The following PAPPA variants were observed in gnomAD, a reference collection of about 807,000 sequenced individuals.
The protein encoded by PAPPA is pappalysin-1.
In PAPPA, 60 loss-of-function variants were observed where a neutral mutation model predicts 164.0. That is an observed-to-expected ratio of 0.37 (90% CI 0.30 to 0.45). The LOEUF is 0.45. Ranked by LOEUF, PAPPA falls within the 20% of genes least tolerant of loss-of-function variation. PAPPA has a pLI of 1.00. For synonymous variants in PAPPA, 875 were observed against 814.1 expected, an observed-to-expected ratio of 1.07 and a Z score of -1.27; for missense variants, 1,782 against 2,087.3, an observed-to-expected ratio of 0.85 and a Z score of 2.85.
At chr9:116,378,941 C>G (rs1420832345) in intron 20 of PAPPA, among the ~76,000 whole-genome samples, 1 of 152,174 alleles carries the variant, frequency 6.6e-6, no homozygotes, top group Non-Finnish European at 1.5e-5. Context: ...TTAGGAACCC[C>G]ATTCTCTCAG....
chr9:116,242,799 A>T (rs1275785653), intron 7 of PAPPA, among the ~76,000 whole-genome samples: 1 of 152,172 alleles, frequency 6.6e-6, no homozygotes, highest in Non-Finnish European at 1.5e-5. Flanking sequence ...GTGTGCCAAG[A>T]CCTGCTATTT....
rs1243565091 is a variant in PAPPA at position 116,269,770 on chromosome 9, T to G, written c.2862-1555T>G. On this transcript the variant is annotated intron_variant, in intron 8 of 21. Coordinates refer to ENST00000328252, the MANE Select transcript of PAPPA (RefSeq NM_002581.5). ...GGGAACCAGCCCAGGTATTTTTTTG[T>G]TTTTAAAGTCTTTTCCAAAACAACC... Among the ~76,000 whole-genome samples, 9 of 152,302 alleles carry G rather than the reference T, an allele frequency of 5.9e-5. No individual in the cohort carries two copies. In the East Asian group the frequency reaches 1.7e-3, roughly 29 times the overall value.
chr9:116,260,594 T>A (rs568041440), intron 7 of PAPPA, among the ~76,000 whole-genome samples: 1 of 152,254 alleles, frequency 6.6e-6, no homozygotes, highest in East Asian at 1.9e-4. Flanking sequence ...CCTACACACG[T>A]TCTCAGTGCA....
chr9:116,187,482 C>G lies in PAPPA; in HGVS notation c.744C>G (p.Asn248Lys). The change falls in exon 2 of 22, where the codon AAC (asparagine) becomes AAG (lysine). Residue 248 changes from asparagine (N) to lysine (K), a missense_variant. By Grantham distance (94) the Asn-to-Lys change is moderately conservative (BLOSUM62 0). This residue lies in a region of PAPPA where 458 missense variants were observed against 430.3 expected (regional missense o/e 1.06). Transcript: ENST00000328252. This position sits in a 1 kb window ranked among gnomAD's most constrained non-coding sequence, Gnocchi z 4.2. ...TAGGGGGCAGTGCCCTGAATCACAA[C>G]TACCGGGGCTACATCGAGCACTTCA... The part of the protein sequence containing the change: ...LMLGGSALNH[N>K]YRGYIEHFSL... 1 of 1,614,196 alleles carries G rather than the reference C, an allele frequency of 6.2e-7. No homozygotes were observed.
At chr9:116,285,499 TCA>T (rs1260802495) in intron 9 of PAPPA, among the ~76,000 whole-genome samples, 1 of 152,202 alleles carries the variant, frequency 6.6e-6, no homozygotes, top group African/African-American at 2.4e-5. Flanking sequence ...TCTCATTTGC[TCA>T]CAGTGTCCCC....
intron 17 of PAPPA, among the ~76,000 whole-genome samples, chr9:116,355,477 C>A (rs373418005): frequency 6.6e-6 from 1 of 152,314 alleles, no homozygotes; most frequent in Admixed American, 6.5e-5. Flanking sequence ...ACACTCTCGG[C>A]GTCTGTTTGC....
At chr9:116,207,903 T>G (rs533435319) in intron 3 of PAPPA, among the ~76,000 whole-genome samples, 8 of 152,194 alleles carry the variant, frequency 5.3e-5, no homozygotes, top group Non-Finnish European at 5.9e-5. Context: ...ACAGTCACAA[T>G]TGGAATTTAA....
chr9:116,379,716 A>C (rs567509895), intron 20 of PAPPA, among the ~76,000 whole-genome samples: 1 of 152,360 alleles, frequency 6.6e-6, no homozygotes, highest in East Asian at 1.9e-4. Flanking sequence ...ACAATTAAAG[A>C]GAGAATTTTA....
intron 21 of PAPPA, among the ~76,000 whole-genome samples, chr9:116,387,204 A>G (rs1406601560): frequency 6.6e-6 from 1 of 152,184 alleles, no homozygotes; most frequent in Non-Finnish European, 1.5e-5. Flanking sequence ...CTTAAACTCC[A>G]GAATAATTCA....
At chr9:116,267,981 AAGCAGGAACAT>A (rs927389985) in intron 8 of PAPPA, among the ~76,000 whole-genome samples, 66 of 152,062 alleles carry the variant, frequency 4.3e-4, no homozygotes, top group African/African-American at 1.4e-3. Context: ...TGGCTTTCTG[AAGCAGGAACAT>A]AGCAGGAACA....
intron 1 of PAPPA, among the ~76,000 whole-genome samples, chr9:116,164,196 A>G (rs1488832252): frequency 1.3e-5 from 2 of 152,166 alleles, no homozygotes; most frequent in South Asian, 2.1e-4. Flanking sequence ...GGAGTCTGTC[A>G]TCATTTTCCA....
intron 1 of PAPPA, among the ~76,000 whole-genome samples, chr9:116,164,270 A>G (rs1843697798): frequency 6.6e-6 from 1 of 151,746 alleles, no homozygotes; most frequent in Non-Finnish European, 1.5e-5. Flanking sequence ...CTTCCTCTCA[A>G]CTCCCTCCTT....
At chr9:116,314,163 C>A (rs60102665) in intron 10 of PAPPA, among the ~76,000 whole-genome samples, 5,505 of 148,370 alleles carry the variant, frequency 0.037, 360 homozygotes, top group African/African-American at 0.13. Context: ...CCTCCACCTC[C>A]CAGGTTTTTC....
At chr9:116,336,990 A>G (rs991463979) in intron 13 of PAPPA, among the ~76,000 whole-genome samples, 5 of 152,186 alleles carry the variant, frequency 3.3e-5, no homozygotes, top group Admixed American at 2.6e-4. Flanking sequence ...ACAGTATCTT[A>G]TTTTATTATT....
At chr9:116,300,632 G>T (rs767877721) in intron 9 of PAPPA, among the ~76,000 whole-genome samples, 2 of 152,172 alleles carry the variant, frequency 1.3e-5, no homozygotes, top group African/African-American at 2.4e-5. Context: ...ATAAACAAGG[G>T]ATTTTGCAGC....
intron 19 of PAPPA, among the ~76,000 whole-genome samples, chr9:116,370,446 G>C (rs140143656): frequency 5.3e-5 from 8 of 152,318 alleles, no homozygotes; most frequent in African/African-American, 1.9e-4. Flanking sequence ...ATGAAATGTA[G>C]AGTAATAAAG....
At chr9:116,239,012 G>A (rs904393698) in intron 7 of PAPPA, among the ~76,000 whole-genome samples, 1 of 152,182 alleles carries the variant, frequency 6.6e-6, no homozygotes, top group African/African-American at 2.4e-5. Context: ...TGGAGAAAAA[G>A]AGGAGAGGGA....
chr9:116,182,306 A>C (rs759697179), intron 1 of PAPPA, among the ~76,000 whole-genome samples: 9 of 152,186 alleles, frequency 5.9e-5, no homozygotes, highest in Non-Finnish European at 1.2e-4. Context: ...TTTCTTTTTA[A>C]CTTTCAATAA....
chr9:116,360,600 C>T (rs891542908), intron 17 of PAPPA, among the ~76,000 whole-genome samples: 1 of 152,164 alleles, frequency 6.6e-6, no homozygotes, highest in Non-Finnish European at 1.5e-5. Context: ...TCATTCTTTT[C>T]TTCATTTACT....
Sources: allele counts gnomAD v4.1 joint callset (sites outside exome capture counted in the v4.1 genomes callset), GRCh38; gene constraint gnomAD v4.1.1; regional missense constraint gnomAD v4.1.1; non-coding constraint Gnocchi (gnomAD v3.1); transcripts MANE v1.5; gene names NCBI Gene and HGNC (gene_info 2026-07-23, HGNC 2026-07-21).